Variants in C10orf90 observed in about 807,000 individuals in gnomAD.
The protein encoded by C10orf90 is chromosome 10 open reading frame 90.
A neutral mutation model predicts 62.5 loss-of-function variants in C10orf90; 56 were observed. The observed-to-expected ratio is 0.90, with a 90% CI of 0.72 to 1.12. The LOEUF (loss-of-function observed/expected upper bound fraction) is 1.12, where lower values mean the gene tolerates loss of function less well. Ranked by LOEUF, C10orf90 falls within the 50% of genes most tolerant of loss-of-function variation. C10orf90 has a pLI of 0.00. For synonymous variants in C10orf90, 386 were observed against 340.4 expected, an observed-to-expected ratio of 1.13 and a Z score of -1.47; for missense variants, 970 against 880.4, an observed-to-expected ratio of 1.10 and a Z score of -1.29.
At chr10:126,501,094 G>A (rs556593276) in intron 4 of C10orf90, among the ~76,000 whole-genome samples, 1 of 152,312 alleles carries the variant, frequency 6.6e-6, no homozygotes, top group South Asian at 2.1e-4. Context: ...GTCTCAGATA[G>A]GATTCCAGTT....
intron 2 of C10orf90, among the ~76,000 whole-genome samples, chr10:126,518,840 A>C (rs7090591): frequency 6.6e-6 from 1 of 151,916 alleles, no homozygotes; most frequent in East Asian, 1.9e-4. Context: ...TACAACCACC[A>C]TGACTGAACA....
rs562354928 is a variant in C10orf90, at chr10:126,469,591, A to G, written c.1535-4605T>C. Reference sequence around the variant, plus strand: ...TCTCTGGGCCATCAACATAAACATCAATTTCTCAACTCAGCTGCAGGGTGG... The same window carrying G: ...TCTCTGGGCCATCAACATAAACATCGATTTCTCAACTCAGCTGCAGGGTGG... On this transcript the variant is annotated intron_variant, in intron 4 of 9. Coordinates refer to ENST00000488181, the MANE Select transcript of C10orf90 (RefSeq NM_001350921.2). Among the ~76,000 whole-genome samples, 7 of 152,224 alleles carry G rather than the reference A, an allele frequency of 4.6e-5. No homozygotes were observed. In the South Asian group the frequency reaches 6.2e-4, roughly 14 times the overall value.
intron 2 of C10orf90, among the ~76,000 whole-genome samples, chr10:126,539,497 G>A (rs1393608623): frequency 6.6e-6 from 1 of 152,010 alleles, no homozygotes; most frequent in Non-Finnish European, 1.5e-5. Flanking sequence ...AAAATGAGAG[G>A]CCATATGAAT....
chr10:126,473,618 C>A (rs751568237), intron 4 of C10orf90, among the ~76,000 whole-genome samples: 1 of 151,654 alleles, frequency 6.6e-6, no homozygotes, highest in African/African-American at 2.4e-5. Flanking sequence ...AAAGCCATAC[C>A]CTCCCCCAGG....
Position 126,504,552 on chromosome 10 carries a change from C to A in C10orf90, c.939G>T (p.Leu313Phe). 1 of 1,614,250 alleles carries A rather than the reference C, an allele frequency of 6.2e-7. No individual in the cohort carries two copies. Among genetic ancestry groups the A allele is most frequent in the Non-Finnish European group, 8.5e-7 (1 of 1,180,046 alleles). ...TGACCCAGTACTTGCGTCTCTCACA[C>A]AACCCAGTGTGGGCCTCGGGAACCT... is the stretch of plus-strand genomic sequence containing the variant. ...RLKVPEAHTG[L>F]CERRKYWVTH... The change falls in exon 4 of 10, where the codon TTG (leucine) becomes TTT (phenylalanine). Residue 313 changes from leucine (L) to phenylalanine (F), a missense_variant. Physicochemically the swap from Leu to Phe is conservative, Grantham distance 22. Transcript: ENST00000488181. The surrounding 1 kb of genome is among the most constrained non-coding windows in gnomAD (Gnocchi z 4.1).
intron 4 of C10orf90, among the ~76,000 whole-genome samples, chr10:126,470,970 T>G (rs1309322608): frequency 6.6e-6 from 1 of 152,206 alleles, no homozygotes; most frequent in East Asian, 1.9e-4. Flanking sequence ...TTTCACCGCA[T>G]CCAGACTTCT....
chr10:126,515,805 G>A (rs1309152582), intron 2 of C10orf90, among the ~76,000 whole-genome samples: 1 of 152,224 alleles, frequency 6.6e-6, no homozygotes, highest in Non-Finnish European at 1.5e-5. Context: ...TCCAGAGCCT[G>A]GCTATGTCTC....
At chr10:126,612,267 G>A (rs1008036915) in intron 2 of C10orf90, among the ~76,000 whole-genome samples, 1 of 151,048 alleles carries the variant, frequency 6.6e-6, no homozygotes, top group Admixed American at 6.6e-5. Flanking sequence ...GTTGCAGTGA[G>A]CCGAGATCAC....
chr10:126,452,358 G>T (rs1014584960), intron 7 of C10orf90, among the ~76,000 whole-genome samples: 1 of 151,984 alleles, frequency 6.6e-6, no homozygotes, highest in Non-Finnish European at 1.5e-5. Flanking sequence ...TAACTTCACC[G>T]TTTGCTCCAA....
chr10:126,660,382 A>T (rs1846484720), intron 1 of C10orf90, among the ~76,000 whole-genome samples: 1 of 152,234 alleles, frequency 6.6e-6, no homozygotes, highest in African/African-American at 2.4e-5. Flanking sequence ...AGTAGCAGAG[A>T]TTCTCCTTCT....
intron 4 of C10orf90, among the ~76,000 whole-genome samples, chr10:126,488,843 G>A (rs1861569121): frequency 6.6e-6 from 1 of 152,058 alleles, no homozygotes; most frequent in Non-Finnish European, 1.5e-5. Flanking sequence ...CACTTAAGAA[G>A]TAGAAACCTG....
At position 126,542,864 on chromosome 10, in the gene C10orf90, T is replaced by C. The variant is rs1168583260; in HGVS notation, c.314-28925A>G. On this transcript the variant is annotated intron_variant, in intron 2 of 9. Transcript: ENST00000488181. ...GTACATACACATACCTTGTGATTCA[T>C]CTATTTCACTTATAGGATTCAATGC... 2.0e-5 allele frequency among the ~76,000 whole-genome samples: 3 copies of C among 152,362 alleles called. No homozygotes were observed. In the East Asian group the frequency reaches 5.8e-4, roughly 29 times the overall value.
At chr10:126,604,164 A>G (rs1845258868) in intron 2 of C10orf90, among the ~76,000 whole-genome samples, 1 of 152,116 alleles carries the variant, frequency 6.6e-6, no homozygotes, top group African/African-American at 2.4e-5. Flanking sequence ...ATCCAGAAAC[A>G]CAGATTCGGA....
chr10:126,666,568 G>T (rs1846631129), intron 1 of C10orf90, among the ~76,000 whole-genome samples: 1 of 152,122 alleles, frequency 6.6e-6, no homozygotes, highest in African/African-American at 2.4e-5. Flanking sequence ...GGAGATGAAA[G>T]GAGTCACCTG....
At chr10:126,470,417 A>G (rs529178453) in intron 4 of C10orf90, among the ~76,000 whole-genome samples, 1 of 152,350 alleles carries the variant, frequency 6.6e-6, no homozygotes, top group South Asian at 2.1e-4. Context: ...AAAGAAAGTC[A>G]AGTTAATTTG....
intron 7 of C10orf90, among the ~76,000 whole-genome samples, chr10:126,445,912 C>T (rs562861563): frequency 6.6e-6 from 1 of 151,116 alleles, no homozygotes; most frequent in East Asian, 2.0e-4. Flanking sequence ...AATACTGTAA[C>T]TGAAGTAACT....
At chr10:126,460,258 C>T (rs958109211) in intron 6 of C10orf90, among the ~76,000 whole-genome samples, 10 of 152,216 alleles carry the variant, frequency 6.6e-5, no homozygotes, top group Non-Finnish European at 1.0e-4. Flanking sequence ...TGTTTACCTC[C>T]GTGCTAGGCT....
chr10:126,615,883 A>C (rs1177766215), intron 2 of C10orf90, among the ~76,000 whole-genome samples: 1 of 152,174 alleles, frequency 6.6e-6, no homozygotes, highest in African/African-American at 2.4e-5. Context: ...CTCCCCAAAC[A>C]GTTTCCATCT....
At chr10:126,605,671 A>G (rs1040501784) in intron 2 of C10orf90, among the ~76,000 whole-genome samples, 2 of 152,022 alleles carry the variant, frequency 1.3e-5, no homozygotes, top group African/African-American at 2.4e-5. Flanking sequence ...CCGTGAAGAT[A>G]ACTGCACTGA....
Sources: gnomAD v4.1 joint callset for allele counts (sites outside exome capture counted in the v4.1 genomes callset) on GRCh38, gnomAD v4.1.1 for gene constraint, Gnocchi (gnomAD v3.1) non-coding constraint, MANE v1.5 for transcripts, NCBI Gene and HGNC (gene_info 2026-07-23, HGNC 2026-07-21) for gene names.